DOCK3: variants seen among roughly 807,000 people sequenced by gnomAD.
DOCK3 encodes the protein dedicator of cytokinesis protein 3.
Under a neutral mutation model 265.6 loss-of-function variants are expected in DOCK3, and 60 were observed. The observed-to-expected ratio is 0.23, with a 90% CI of 0.18 to 0.28. The LOEUF is 0.28. Ranked by LOEUF, DOCK3 falls within the 10% of genes least tolerant of loss-of-function variation. The pLI, the probability that DOCK3 is intolerant of heterozygous loss-of-function variation, is 1.00. For missense variants in DOCK3, 1,981 were observed against 2,594.3 expected, an observed-to-expected ratio of 0.76 and a Z score of 5.14; for synonymous variants, 881 against 938.0, an observed-to-expected ratio of 0.94 and a Z score of 1.11.
Position 51,146,722 on chromosome 3 carries a change from C to T in DOCK3, c.828+92C>T. 2.5e-6 allele frequency: 3 copies of T among 1,180,886 alleles called. No individual in the cohort carries two copies. In the South Asian group the frequency reaches 4.1e-5, roughly 16 times the overall value. The allele number at this position is 1,180,886 out of a possible 1,614,324, so 73.2% of individuals were successfully genotyped here. On this transcript the variant is annotated intron_variant, in intron 10 of 52. Transcript: ENST00000266037. ...GTCACCCTGGAAACAAGCATTTAGT[C>T]TTATTTCCATATACACTGGGGAGAA...
chr3:51,030,424 G>GAGTA (rs1575820323), intron 5 of DOCK3, among the ~76,000 whole-genome samples: 1 of 152,210 alleles, frequency 6.6e-6, no homozygotes, highest in East Asian at 1.9e-4. Flanking sequence ...CTGGCTATTT[G>GAGTA]AGTAAGGCAG....
At chr3:50,730,203 G>A (rs1345963483) in intron 1 of DOCK3, among the ~76,000 whole-genome samples, 4 of 151,876 alleles carry the variant, frequency 2.6e-5, no homozygotes, top group African/African-American at 4.8e-5. Context: ...GTGCAGTGGC[G>A]TGATCTCAGC....
At chr3:51,089,438 G>T (rs1321396271) in intron 8 of DOCK3, among the ~76,000 whole-genome samples, 154 bp downstream of exon 8, 2 of 152,074 alleles carry the variant, frequency 1.3e-5, no homozygotes, top group African/African-American at 4.8e-5. Context: ...AACAGTTTTG[G>T]CCAGACTCTA....
intron 5 of DOCK3, among the ~76,000 whole-genome samples, chr3:51,039,615 C>A (rs1476070418): frequency 6.6e-6 from 1 of 152,016 alleles, no homozygotes; most frequent in Admixed American, 6.5e-5. Flanking sequence ...ATTCAGATTT[C>A]TTTTTCTCTG....
intron 5 of DOCK3, among the ~76,000 whole-genome samples, chr3:51,048,530 C>T (rs971715332): frequency 6.6e-6 from 1 of 152,170 alleles, no homozygotes; most frequent in Non-Finnish European, 1.5e-5. Flanking sequence ...ACACTTTATA[C>T]ACATAGCCTG....
intron 4 of DOCK3, chr3:50,901,595 G>T: frequency 4.4e-6 from 2 of 452,170 alleles, no homozygotes; most frequent in Non-Finnish European, 8.9e-6. Flanking sequence ...CAGGTCCCTG[G>T]TGGTGTAGGC....
chr3:51,379,421 C>CT, intron 51 of DOCK3: 1 of 985,458 alleles, frequency 1.0e-6, no homozygotes, highest in Non-Finnish European at 1.2e-6. Context: ...AGTAACCTCC[C>CT]TTCATGCCAT....
chr3:50,870,960 C>G (rs903527040), intron 3 of DOCK3, among the ~76,000 whole-genome samples: 1 of 152,072 alleles, frequency 6.6e-6, no homozygotes, highest in Non-Finnish European at 1.5e-5. Context: ...ATTGTACTGC[C>G]TATCCTGAAT....
chr3:51,356,854 G>A (rs2086398676), intron 43 of DOCK3, 108 bp from the exon 44 acceptor site: 15 of 1,336,544 alleles, frequency 1.1e-5, no homozygotes, highest in Non-Finnish European at 1.2e-5. Flanking sequence ...AAGTTCACAG[G>A]AACAAGGAAG....
intron 27 of DOCK3, among the ~76,000 whole-genome samples, chr3:51,287,063 T>C (rs2081445958): frequency 1.3e-5 from 2 of 152,138 alleles, no homozygotes; most frequent in Non-Finnish European, 2.9e-5. Context: ...TTGCAAACTA[T>C]GCATCTGACA....
Position 51,148,662 on chromosome 3 carries a change from G to A in DOCK3, c.828+2032G>A, listed in dbSNP as rs545230859. On this transcript the variant is annotated intron_variant, in intron 10 of 52. Coordinates refer to ENST00000266037, the MANE Select transcript of DOCK3 (RefSeq NM_004947.5). ...AAGATCAGATGGTTCTAGATGTGTG[G>A]TGTTATTTCTGAGACCTCTGTTCTG... Among the ~76,000 whole-genome samples the A allele has an allele frequency of 3.2e-3, 490 of 152,242 alleles. 7 individuals are homozygous for A. The highest frequency in any genetic ancestry group is 0.011 in the African/African-American group (444 of 41,534).
chr3:51,084,002 A>AT (rs2082331336), intron 7 of DOCK3, among the ~76,000 whole-genome samples: 2 of 152,136 alleles, frequency 1.3e-5, no homozygotes, highest in Middle Eastern at 3.2e-3. Flanking sequence ...AAATAAATAA[A>AT]TAAAAGAGTT....
intron 12 of DOCK3, among the ~76,000 whole-genome samples, chr3:51,179,383 A>G (rs538265327): frequency 6.6e-6 from 1 of 152,320 alleles, no homozygotes; most frequent in South Asian, 2.1e-4. Flanking sequence ...TAACAATTTC[A>G]AGTTAGTAAA....
intron 1 of DOCK3, among the ~76,000 whole-genome samples, chr3:50,768,115 C>T (rs1043578018): frequency 3.3e-5 from 5 of 152,116 alleles, no homozygotes; most frequent in African/African-American, 4.8e-5. Flanking sequence ...ATTTCTTTCT[C>T]CTGCCTGATT....
chr3:51,354,390 G>T (rs1448984261), intron 40 of DOCK3, among the ~76,000 whole-genome samples: 1 of 152,158 alleles, frequency 6.6e-6, no homozygotes, highest in African/African-American at 2.4e-5. Flanking sequence ...GACATGTCAA[G>T]AGGGGCTGGC....
intron 5 of DOCK3, among the ~76,000 whole-genome samples, chr3:51,033,834 A>G (rs1051149859): frequency 1.3e-5 from 2 of 152,120 alleles, no homozygotes; most frequent in Non-Finnish European, 2.9e-5. Flanking sequence ...AAAACAAGTT[A>G]TCTATTTGTA....
chr3:50,848,294 T>G (rs2046188485), intron 3 of DOCK3, among the ~76,000 whole-genome samples: 1 of 152,208 alleles, frequency 6.6e-6, no homozygotes, highest in African/African-American at 2.4e-5. Context: ...TTTAGACTAT[T>G]TACATTCAAC....
intron 4 of DOCK3, among the ~76,000 whole-genome samples, chr3:50,922,951 T>C (rs1323467885): frequency 6.6e-6 from 1 of 152,108 alleles, no homozygotes; most frequent in Non-Finnish European, 1.5e-5. Flanking sequence ...CCAAAGTCCA[T>C]TGTATCATTC....
chr3:51,343,164 C>A (rs73837434), intron 38 of DOCK3, among the ~76,000 whole-genome samples: 5,061 of 152,116 alleles, frequency 0.033, 306 homozygotes, highest in African/African-American at 0.11. Flanking sequence ...ATGTTTAGCA[C>A]CAAGAGAAAA....
Sources: gnomAD v4.1 joint callset for allele counts (sites outside exome capture counted in the v4.1 genomes callset) on GRCh38, gnomAD v4.1.1 for gene constraint, MANE v1.5 for transcripts, NCBI Gene and HGNC (gene_info 2026-07-23, HGNC 2026-07-21) for gene names.